The following ADARB2 variants were observed in gnomAD, a reference collection of about 807,000 sequenced individuals.
ADARB2 encodes inactive double-stranded RNA-specific editase B2.
Under a neutral mutation model 62.2 loss-of-function variants are expected in ADARB2, and 25 were observed. That is an observed-to-expected ratio of 0.40 (90% CI 0.29 to 0.56). ADARB2 has a LOEUF of 0.56. ADARB2 is among the 20% of genes least tolerant of loss of function. The pLI is 0.43. For missense variants in ADARB2, 1,071 were observed against 1,077.4 expected (o/e 0.99, Z 0.08); for synonymous variants, 572 against 500.8 (o/e 1.14, Z -1.90).
chr10:1,181,245 T>A lies in ADARB2; in HGVS notation c.*1948A>T, dbSNP rs7914228. 0.33 allele frequency: 50,868 copies of A among 152,216 alleles called. 8,559 individuals carry two copies. The highest frequency in any genetic ancestry group is 0.4 in the Admixed American group (6,108 of 15,290). 9.4% of individuals were successfully genotyped at this position (152,216 alleles called of 1,614,324 possible). The stretch of plus-strand genomic sequence containing the variant: ...CTCACTTCTGACTGCTGCGAATGTC[T>A]GAGCCACCCATCACCTCTCGACTCT... On this transcript the variant is annotated 3_prime_UTR_variant, in exon 10 of 10. Coordinates refer to ENST00000381312, the MANE Select transcript of ADARB2 (RefSeq NM_018702.4).
chr10:1,205,819 C>G (rs1837049814), intron 7 of ADARB2, among the ~76,000 whole-genome samples: 1 of 152,224 alleles, frequency 6.6e-6, no homozygotes, highest in South Asian at 2.1e-4. Flanking sequence ...TAGATGCCAT[C>G]CTGACTGCTG....
At chr10:1,663,417 C>T (rs540147770) in intron 1 of ADARB2, among the ~76,000 whole-genome samples, 114 of 152,338 alleles carry the variant, frequency 7.5e-4, no homozygotes, top group Middle Eastern at 3.4e-3. Context: ...ACTCCCGAAA[C>T]GCCCTCCGTG....
chr10:1,613,498 CTG>C (rs1833596020), intron 1 of ADARB2, among the ~76,000 whole-genome samples: 1 of 152,190 alleles, frequency 6.6e-6, no homozygotes, highest in Non-Finnish European at 1.5e-5. Flanking sequence ...GGTGGGGTAA[CTG>C]TGCAGAGTTT....
At chr10:1,219,393 T>C (rs1401009850) in intron 6 of ADARB2, among the ~76,000 whole-genome samples, 1 of 152,266 alleles carries the variant, frequency 6.6e-6, no homozygotes, top group East Asian at 1.9e-4. Context: ...TGACATTCTT[T>C]CACTATACAT....
intron 1 of ADARB2, among the ~76,000 whole-genome samples, chr10:1,399,160 C>T (rs1398063041): frequency 1.3e-5 from 2 of 152,168 alleles, no homozygotes; most frequent in East Asian, 3.9e-4. Flanking sequence ...TCCCCCTGGC[C>T]GCCTACAGGG....
intron 1 of ADARB2, among the ~76,000 whole-genome samples, chr10:1,446,712 C>T (rs569261704): frequency 6.6e-6 from 1 of 152,344 alleles, no homozygotes; most frequent in Admixed American, 6.5e-5. Context: ...TTTTTCATCT[C>T]TCTTACAGTG....
intron 3 of ADARB2, among the ~76,000 whole-genome samples, chr10:1,311,256 C>T (rs2131822861): frequency 6.6e-6 from 1 of 152,344 alleles, no homozygotes; most frequent in East Asian, 1.9e-4. Flanking sequence ...GACTGAGTGC[C>T]CACACCAGGC....
At chr10:1,512,523 C>T (rs2131946039) in intron 1 of ADARB2, among the ~76,000 whole-genome samples, 1 of 152,350 alleles carries the variant, frequency 6.6e-6, no homozygotes, top group Non-Finnish European at 1.5e-5. Context: ...TCAGTATCAT[C>T]ATATGCATTT....
At chr10:1,446,688 T>C (rs985754828) in intron 1 of ADARB2, among the ~76,000 whole-genome samples, 13 of 152,188 alleles carry the variant, frequency 8.5e-5, no homozygotes, top group Non-Finnish European at 1.9e-4. Context: ...TTTTCATACT[T>C]TTTAAAGGAA....
intron 7 of ADARB2, among the ~76,000 whole-genome samples, chr10:1,211,914 T>A (rs1027851896): frequency 6.6e-6 from 1 of 152,250 alleles, no homozygotes; most frequent in African/African-American, 2.4e-5. Flanking sequence ...ATTTAGTTTT[T>A]AATAATGACT....
At chr10:1,493,248 A>T (rs1831644026) in intron 1 of ADARB2, among the ~76,000 whole-genome samples, 1 of 152,198 alleles carries the variant, frequency 6.6e-6, no homozygotes, top group Non-Finnish European at 1.5e-5. Context: ...TAATGGAAGT[A>T]TTTATGCTAT....
At chr10:1,524,576 C>T (rs2676737) in intron 1 of ADARB2, among the ~76,000 whole-genome samples, 1 of 152,164 alleles carries the variant, frequency 6.6e-6, no homozygotes, top group African/African-American at 2.4e-5. Flanking sequence ...TGTAGTATCT[C>T]CCACTTCTCC....
intron 1 of ADARB2, among the ~76,000 whole-genome samples, chr10:1,608,317 C>T (rs1484672293): frequency 2.6e-5 from 4 of 152,156 alleles, no homozygotes; most frequent in Non-Finnish European, 5.9e-5. Context: ...GGAGACGCAG[C>T]GTGCCTGTGC....
chr10:1,599,473 A>T (rs765729781), intron 1 of ADARB2, among the ~76,000 whole-genome samples: 17 of 152,228 alleles, frequency 1.1e-4, no homozygotes, highest in Non-Finnish European at 1.8e-4. Context: ...ACCATCTCAC[A>T]TTATGATCCT....
intron 1 of ADARB2, among the ~76,000 whole-genome samples, chr10:1,591,573 T>C (rs576303523): frequency 6.6e-6 from 1 of 152,122 alleles, no homozygotes; most frequent in East Asian, 1.9e-4. Flanking sequence ...ATTCAGAAAG[T>C]GCTCTCTGGG....
intron 2 of ADARB2, among the ~76,000 whole-genome samples, chr10:1,377,936 G>A (rs1467275541): frequency 2.0e-5 from 3 of 152,138 alleles, no homozygotes; most frequent in Non-Finnish European, 4.4e-5. Context: ...AAAGTACACG[G>A]CTCCCCTTGC....
chr10:1,465,251 C>A (rs369449136), intron 1 of ADARB2, among the ~76,000 whole-genome samples: 3 of 152,088 alleles, frequency 2.0e-5, no homozygotes. Context: ...ACAGAGGGTG[C>A]GAGAGGGTTC....
At chr10:1,266,626 C>T (rs1251087874) in intron 4 of ADARB2, among the ~76,000 whole-genome samples, 1 of 152,182 alleles carries the variant, frequency 6.6e-6, no homozygotes, top group Non-Finnish European at 1.5e-5. Context: ...CGGCCACCAC[C>T]GCAGAAGACA....
At chr10:1,331,184 G>T (rs950357173) in intron 3 of ADARB2, among the ~76,000 whole-genome samples, 1 of 152,192 alleles carries the variant, frequency 6.6e-6, no homozygotes, top group Non-Finnish European at 1.5e-5. Context: ...GATTCAAAAT[G>T]ATGCAACCAG....
Sources: allele counts gnomAD v4.1 joint callset (sites outside exome capture counted in the v4.1 genomes callset), GRCh38; gene constraint gnomAD v4.1.1; transcripts MANE v1.5; gene names NCBI Gene and HGNC (gene_info 2026-07-23, HGNC 2026-07-21).